Variants in ADAM2 observed in about 807,000 individuals in gnomAD.
The protein encoded by ADAM2 is ADAM metallopeptidase domain 2, also known as disintegrin and metalloproteinase domain-containing protein 2.
A neutral mutation model predicts 99.3 loss-of-function variants in ADAM2; 101 were observed. The ratio of observed to expected loss-of-function variants is 1.02; its 90% CI spans 0.87 to 1.20. The LOEUF is 1.20. ADAM2 is among the 50% of genes most tolerant of loss of function. The probability of loss-of-function intolerance (pLI) is 0.00; values close to 1 mark genes in which losing one functional copy is unlikely to be tolerated. For missense variants in ADAM2, 948 were observed against 878.7 expected (o/e 1.08, Z -1.00); for synonymous variants, 323 against 287.6 (o/e 1.12, Z -1.25).
chr8:39,750,397 T>C (rs1256599527), intron 16 of ADAM2, among the ~76,000 whole-genome samples: 6 of 152,138 alleles, frequency 3.9e-5, no homozygotes, highest in Non-Finnish European at 7.4e-5. Context: ...CTCGATATTA[T>C]ATGAAAGAAG....
intron 16 of ADAM2, among the ~76,000 whole-genome samples, chr8:39,751,607 C>T (rs1801948815): frequency 6.6e-6 from 1 of 151,930 alleles, no homozygotes; most frequent in South Asian, 2.1e-4. Flanking sequence ...AATAAAGAAG[C>T]TAGCTAAAAA....
chr8:39,798,163 T>C (rs1025333856), intron 7 of ADAM2, among the ~76,000 whole-genome samples: 2 of 152,216 alleles, frequency 1.3e-5, no homozygotes, highest in East Asian at 3.8e-4. Flanking sequence ...CAGTATGATA[T>C]TGGCTGTGGG....
At chr8:39,783,548 T>A (rs1018341253) in intron 10 of ADAM2, among the ~76,000 whole-genome samples, 1 of 152,128 alleles carries the variant, frequency 6.6e-6, no homozygotes, top group Non-Finnish European at 1.5e-5. Context: ...CCAAATTGTC[T>A]CCCTCCCACT....
chr8:39,762,110 C>T (rs994816514), intron 14 of ADAM2, among the ~76,000 whole-genome samples: 2 of 152,098 alleles, frequency 1.3e-5, no homozygotes, highest in Non-Finnish European at 2.9e-5. Flanking sequence ...AAAGCTTCAA[C>T]CTACTTAAAA....
At chr8:39,791,945 G>A (rs1586108174) in intron 7 of ADAM2, among the ~76,000 whole-genome samples, 1 of 152,174 alleles carries the variant, frequency 6.6e-6, no homozygotes, top group South Asian at 2.1e-4. Flanking sequence ...TAGGATTCCT[G>A]TGTTAGGATA....
intron 7 of ADAM2, among the ~76,000 whole-genome samples, chr8:39,801,940 G>T (rs1012131141): frequency 5.3e-5 from 8 of 152,074 alleles, no homozygotes; most frequent in Non-Finnish European, 7.4e-5. Context: ...AGCTTAGGCA[G>T]TTGCTAGTCC....
At chr8:39,802,397 C>T (rs972831248) in intron 7 of ADAM2, among the ~76,000 whole-genome samples, 2 of 152,094 alleles carry the variant, frequency 1.3e-5, no homozygotes, top group Non-Finnish European at 2.9e-5. Flanking sequence ...TGGGAGACTC[C>T]GAATGCTGCT....
chr8:39,829,632 CTT>C (rs1458637379), intron 3 of ADAM2, among the ~76,000 whole-genome samples: 2 of 151,936 alleles, frequency 1.3e-5, no homozygotes, highest in African/African-American at 4.8e-5. Context: ...GTGCATGTAA[CTT>C]AACCCATCAG....
Position 39,795,836 on chromosome 8 carries a change from A to G in ADAM2, c.571-7096T>C, listed in dbSNP as rs140730618. Among the ~76,000 whole-genome samples, 33 of 152,288 alleles carry G rather than the reference A, an allele frequency of 2.2e-4. 1 individual carries two copies. The South Asian group carries it at 4.8e-3, about 22-fold the overall frequency. ...GTTTTTATATGGTATAAAGAAGCTA[A>G]AAATATTTGGATTTGTAAATAGACA... On this transcript the variant is annotated intron_variant, in intron 7 of 20. Coordinates refer to ENST00000265708, the MANE Select transcript of ADAM2 (RefSeq NM_001464.5).
intron 15 of ADAM2, among the ~76,000 whole-genome samples, chr8:39,756,465 G>A (rs1271409935): frequency 6.6e-6 from 1 of 151,980 alleles, no homozygotes; most frequent in Admixed American, 6.6e-5. Flanking sequence ...TTTTTATTTG[G>A]CCCTTGCATC....
intron 15 of ADAM2, among the ~76,000 whole-genome samples, chr8:39,757,002 C>G (rs1211096166): frequency 6.6e-6 from 1 of 152,180 alleles, no homozygotes; most frequent in African/African-American, 2.4e-5. Flanking sequence ...GCAATTACAA[C>G]TTTAGCTTCA....
At chr8:39,831,942 A>C (rs1283370972) in intron 3 of ADAM2, among the ~76,000 whole-genome samples, 1 of 152,150 alleles carries the variant, frequency 6.6e-6, no homozygotes, top group Non-Finnish European at 1.5e-5. Context: ...ATTGATAAGA[A>C]TCTCCATGAT....
rs1305343221 is a variant in ADAM2 at position 39,824,847 on chromosome 8, A to G, written c.239T>C (p.Ile80Thr). ...FRVYSYSGTG[I>T]MKPLDQDFQN... Reference sequence around the variant, plus strand: ...AAAATCTTGGTCAAGTGGTTTCATAATTCCTGTGCCACTATAACTGTAAAC... The same window carrying G: ...AAAATCTTGGTCAAGTGGTTTCATAGTTCCTGTGCCACTATAACTGTAAAC... The change falls in exon 4 of 21, where the codon ATT (isoleucine) becomes ACT (threonine). Residue 80 changes from isoleucine (I) to threonine (T), a missense_variant. Ile to Thr is a moderately conservative substitution (Grantham distance 89). Transcript: ENST00000265708. 1.3e-6 allele frequency: 2 copies of G among 1,580,640 alleles called. No homozygotes were observed. Among genetic ancestry groups the G allele is most frequent in the South Asian group, 2.3e-5 (2 of 87,764 alleles).
At chr8:39,836,352 A>G (rs1563390371) in intron 2 of ADAM2, among the ~76,000 whole-genome samples, 1 of 152,198 alleles carries the variant, frequency 6.6e-6, no homozygotes, top group South Asian at 2.1e-4. Flanking sequence ...TTCATAAAAT[A>G]TTGTTAAAAG....
rs12674843 is a variant in ADAM2, at chr8:39,814,467, T to G, written c.514-5001A>C. Reference sequence around the variant, plus strand: ...ATGATGTTGAAAGAGGACTCCAAATTTAGGACAAAGGTTGCCTTGGCCAAA... The same window carrying G: ...ATGATGTTGAAAGAGGACTCCAAATGTAGGACAAAGGTTGCCTTGGCCAAA... On this transcript the variant is annotated intron_variant, in intron 6 of 20. Coordinates refer to ENST00000265708, the MANE Select transcript of ADAM2 (RefSeq NM_001464.5). Among the ~76,000 whole-genome samples, 522 of 152,196 alleles carry G rather than the reference T, an allele frequency of 3.4e-3. 8 individuals are homozygous for G. In the East Asian group the frequency reaches 0.049, roughly 14 times the overall value.
At position 39,788,213 on chromosome 8, in the gene ADAM2, TGAA is replaced by T; in HGVS notation, c.678_680del (p.Ser227del). On this transcript the variant is annotated inframe_deletion, in exon 9 of 21. Transcript: ENST00000265708. ...TATTTTCATCTATCCAAAGCTCCAA[TGAA>T]GACAGAATAATTGTAATATTAAATG... The T allele has an allele frequency of 6.4e-7, 1 of 1,565,424 alleles. No individual in the cohort carries two copies.
rs998034517 is a variant in ADAM2, at chr8:39,827,521, A to G, written c.189-2624T>C. Among the ~76,000 whole-genome samples, 5 of 152,322 alleles carry G rather than the reference A, an allele frequency of 3.3e-5. No homozygotes were observed. The East Asian group carries it at 9.6e-4, about 29-fold the overall frequency. On this transcript the variant is annotated intron_variant, in intron 3 of 20. Transcript: ENST00000265708. ...GACAAATGGATAAAGAAAATGCAGT[A>G]TATATGCACAATGGAATACTAGGCA...
intron 11 of ADAM2, among the ~76,000 whole-genome samples, chr8:39,772,300 C>T (rs1319919065): frequency 1.3e-5 from 2 of 151,832 alleles, no homozygotes; most frequent in African/African-American, 4.8e-5. Flanking sequence ...GTCTAAATTT[C>T]TCAGTTTTTA....
chr8:39,772,389 A>G (rs1240655291), intron 11 of ADAM2, among the ~76,000 whole-genome samples: 1 of 151,996 alleles, frequency 6.6e-6, no homozygotes, highest in Non-Finnish European at 1.5e-5. Context: ...AGGTAATGAG[A>G]TAGACATGTT....
Sources: allele counts gnomAD v4.1 joint callset (sites outside exome capture counted in the v4.1 genomes callset), GRCh38; gene constraint gnomAD v4.1.1; transcripts MANE v1.5; gene names NCBI Gene and HGNC (gene_info 2026-07-23, HGNC 2026-07-21).